The following BCKDHB variants were observed in gnomAD, a reference collection of about 807,000 sequenced individuals.
BCKDHB encodes branched chain keto acid dehydrogenase E1 subunit beta.
BCKDHB carries 41 observed loss-of-function variants against 48.5 expected under a neutral mutation model. The observed-to-expected ratio is 0.85, with a 90% CI of 0.66 to 1.10. The LOEUF is 1.10. BCKDHB is among the 50% of genes least tolerant of loss of function. BCKDHB has a pLI of 0.00. For missense variants in BCKDHB, 496 were observed against 494.2 expected (o/e 1.00, Z -0.03); for synonymous variants, 201 against 174.8 (o/e 1.15, Z -1.18).
chr6:80,313,700 A>G (rs1768287319), intron 9 of BCKDHB, among the ~76,000 whole-genome samples: 1 of 152,118 alleles, frequency 6.6e-6, no homozygotes, highest in Admixed American at 6.5e-5. Context: ...ATTTTTTCAA[A>G]AAACCAGATC....
the BCKDHB span, among the ~76,000 whole-genome samples, chr6:80,377,309 T>A: frequency 6.6e-6 from 1 of 152,192 alleles, no homozygotes; most frequent in East Asian, 1.9e-4. Flanking sequence ...CCCAAAGTGC[T>A]GGGATTACAG....
At chr6:80,277,536 C>CTG (rs1173137105) in intron 9 of BCKDHB, among the ~76,000 whole-genome samples, 1 of 151,720 alleles carries the variant, frequency 6.6e-6, no homozygotes, top group Non-Finnish European at 1.5e-5. Flanking sequence ...AAAACAAATC[C>CTG]TGAGTCTGAT....
chr6:80,462,841 C>T, the BCKDHB span: 6 of 126,512 alleles, frequency 4.7e-5, no homozygotes, highest in African/African-American at 1.6e-4. Flanking sequence ...TTTTCTTCTT[C>T]CAAATGAAGC....
At chr6:80,312,244 T>C (rs1044995113) in intron 9 of BCKDHB, among the ~76,000 whole-genome samples, 3 of 152,188 alleles carry the variant, frequency 2.0e-5, no homozygotes, top group African/African-American at 7.2e-5. Context: ...TGTTAGTGTA[T>C]AGGAATGCTA....
chr6:80,434,867 TG>T, the BCKDHB span, among the ~76,000 whole-genome samples: 1 of 152,228 alleles, frequency 6.6e-6, no homozygotes, highest in Non-Finnish European at 1.5e-5. Context: ...TCCCTGGCTT[TG>T]GGCAGTTTCC....
chr6:80,443,840 C>T, the BCKDHB span, among the ~76,000 whole-genome samples: 7,666 of 152,028 alleles, frequency 0.05, 594 homozygotes, highest in African/African-American at 0.16. Context: ...TGTGAGTTTA[C>T]TGAGGGTCCA....
chr6:80,195,999 C>T (rs1408417595), intron 6 of BCKDHB, among the ~76,000 whole-genome samples: 1 of 152,174 alleles, frequency 6.6e-6, no homozygotes, highest in African/African-American at 2.4e-5. Context: ...ATCCGAGTTT[C>T]ATGTTTGTGG....
At position 80,289,249 on chromosome 6, in the gene BCKDHB, A is replaced by G. The variant is rs78235770; in HGVS notation, c.1038+16028A>G. 9.5e-3 allele frequency among the ~76,000 whole-genome samples: 1,444 copies of G among 152,320 alleles called. 8 individuals carry two copies. The highest frequency in any genetic ancestry group is 0.015 in the Non-Finnish European group (1,010 of 68,032). On this transcript the variant is annotated intron_variant, in intron 9 of 9. Transcript: ENST00000320393. ...GCAGAATCTAAAATGCGAGCTAAAA[A>G]TAGCCATTTTAAAATTGATTCCATG... is the stretch of plus-strand genomic sequence containing the variant.
intron 8 of BCKDHB, among the ~76,000 whole-genome samples, chr6:80,269,071 T>G (rs1046422959): frequency 1.3e-5 from 2 of 152,178 alleles, no homozygotes; most frequent in African/African-American, 4.8e-5. Flanking sequence ...GGAGTTTTTA[T>G]CTAGTTAACT....
At chr6:80,417,097 C>G in the BCKDHB span, among the ~76,000 whole-genome samples, 1 of 152,078 alleles carries the variant, frequency 6.6e-6, no homozygotes, top group Admixed American at 6.5e-5. Flanking sequence ...AACTCTTGAC[C>G]ATTATGTAAT....
chr6:80,400,105 TA>T, the BCKDHB span, among the ~76,000 whole-genome samples: 1 of 151,990 alleles, frequency 6.6e-6, no homozygotes, highest in South Asian at 2.1e-4. Flanking sequence ...GACTTAAAAA[TA>T]AAACCTAAAA....
Position 80,137,020 on chromosome 6 carries a change from C to T in BCKDHB, c.343+7791C>T, listed in dbSNP as rs142571785. 2.0e-3 allele frequency among the ~76,000 whole-genome samples: 301 copies of T among 152,124 alleles called. 1 individual carries two copies. Among genetic ancestry groups the T allele is most frequent in the African/African-American group, 6.3e-3 (260 of 41,504 alleles). On this transcript the variant is annotated intron_variant, in intron 3 of 9. Coordinates refer to ENST00000320393, the MANE Select transcript of BCKDHB (RefSeq NM_183050.4). ...GTGCATTGTTGGTGGGAATGTAAAG[C>T]GACACAGCCACAGTGGAAAACAGTA...
chr6:80,311,749 T>A (rs1303760021), intron 9 of BCKDHB, among the ~76,000 whole-genome samples: 1 of 152,192 alleles, frequency 6.6e-6, no homozygotes, highest in African/African-American at 2.4e-5. Context: ...TGTGTGGTTC[T>A]ATTTCTGGGT....
intron 9 of BCKDHB, among the ~76,000 whole-genome samples, chr6:80,293,135 C>T (rs116184576): frequency 0.015 from 2,346 of 152,280 alleles, 81 homozygotes; most frequent in African/African-American, 0.053. Flanking sequence ...TGGCCCTCTT[C>T]GCACGCTCCA....
downstream of BCKDHB, among the ~76,000 whole-genome samples, chr6:80,347,230 C>T (rs1306138826): frequency 2.0e-5 from 3 of 151,984 alleles, no homozygotes; most frequent in Non-Finnish European, 2.9e-5. Flanking sequence ...AAAATAAAAC[C>T]CTGTCCTTGG....
the BCKDHB span, among the ~76,000 whole-genome samples, chr6:80,447,977 AAAAT>A: frequency 6.6e-6 from 1 of 152,224 alleles, no homozygotes; most frequent in African/African-American, 2.4e-5. Flanking sequence ...ATGGATAGTA[AAAAT>A]AAATAAACAT....
rs1215666594 is a variant in BCKDHB at position 80,230,023 on chromosome 6, G to GTTTTTTTTTT, written c.951+26813_951+26814insTTTTTTTTTT. Among the ~76,000 whole-genome samples the GTTTTTTTTTT allele has an allele frequency of 1.2e-4, 11 of 89,500 alleles. 1 individual carries two copies. The highest frequency in any genetic ancestry group is 6.8e-3 in the Middle Eastern group (1 of 148). 58.7% of individuals were successfully genotyped at this position (89,500 alleles called of 152,430 possible). On this transcript the variant is annotated intron_variant, in intron 8 of 9. Coordinates refer to ENST00000320393, the MANE Select transcript of BCKDHB (RefSeq NM_183050.4). ...ATTTGAATTCCAAAGGGGTTTTTAG[G>GTTTTTTTTTT]TTGTTTTTTTTTTTTTTTTTTTTTT... is the stretch of plus-strand genomic sequence containing the variant.
intron 9 of BCKDHB, among the ~76,000 whole-genome samples, chr6:80,275,272 A>C (rs1322152175): frequency 6.6e-6 from 1 of 152,078 alleles, no homozygotes. Flanking sequence ...GGGATTAGAC[A>C]GGAGTCTTGA....
chr6:80,443,735 C>A, the BCKDHB span, among the ~76,000 whole-genome samples: 1 of 152,092 alleles, frequency 6.6e-6, no homozygotes, highest in African/African-American at 2.4e-5. Context: ...GTTTCAAACT[C>A]CCGGCTTAAG....
Sources: gnomAD v4.1 joint callset for allele counts (sites outside exome capture counted in the v4.1 genomes callset) on GRCh38, gnomAD v4.1.1 for gene constraint, MANE v1.5 for transcripts, NCBI Gene and HGNC (gene_info 2026-07-23, HGNC 2026-07-21) for gene names.